The following PLCH2 variants were observed in gnomAD, a reference collection of about 807,000 sequenced individuals.
PLCH2 encodes the protein phospholipase C eta 2.
Under a neutral mutation model 134.7 loss-of-function variants are expected in PLCH2, and 98 were observed. The observed-to-expected ratio is 0.73, with a 90% CI of 0.62 to 0.86. The LOEUF is 0.86. Ranked by LOEUF, PLCH2 falls within the 40% of genes least tolerant of loss-of-function variation. The pLI is 0.00. For synonymous variants in PLCH2, 974 were observed against 827.5 expected, an observed-to-expected ratio of 1.18 and a Z score of -3.04; for missense variants, 1,994 against 1,986.6, an observed-to-expected ratio of 1.00 and a Z score of -0.07.
chr1:2,421,655 T>C (rs573607556), upstream of PLCH2, among the ~76,000 whole-genome samples: 23 of 152,232 alleles, frequency 1.5e-4, no homozygotes, highest in African/African-American at 5.3e-4. Context: ...TAAAAAAATA[T>C]GAAAATATTC....
intron 20 of PLCH2, chr1:2,500,834 AGT>A (rs1643183917): frequency 4.0e-5 from 1 of 24,712 alleles, no homozygotes; most frequent in Non-Finnish European, 7.2e-5. Flanking sequence ...CCCCTCCCTC[AGT>A]CCTCCCTCCC....
chr1:2,478,648 C>A (rs746968381), intron 2 of PLCH2, 26 bp downstream of exon 2: 1 of 1,590,088 alleles, frequency 6.3e-7, no homozygotes, highest in African/African-American at 1.3e-5. Context: ...GGGGTGGGGA[C>A]AAATCAGAGT....
chr1:2,472,296 C>T (rs915591280), upstream of PLCH2, among the ~76,000 whole-genome samples: 7 of 152,216 alleles, frequency 4.6e-5, no homozygotes, highest in African/African-American at 1.2e-4. Flanking sequence ...TCCAGGGGCC[C>T]GGCTGATCTC....
At chr1:2,477,534 G>A (rs1467303885) in intron 1 of PLCH2, among the ~76,000 whole-genome samples, 2 of 152,194 alleles carry the variant, frequency 1.3e-5, no homozygotes, top group Non-Finnish European at 2.9e-5. Flanking sequence ...GTACCTCTGG[G>A]ACCCGGGCTT....
At chr1:2,479,581 T>C in intron 2 of PLCH2, 153 bp from the exon 3 acceptor site, 1 of 687,194 alleles carries the variant, frequency 1.5e-6, no homozygotes, top group Non-Finnish European at 2.4e-6. Flanking sequence ...TCTTCACCCT[T>C]GGTTCTTGAA....
chr1:2,435,729 C>T (rs1639298712), intron 2 of PLCH2, among the ~76,000 whole-genome samples: 1 of 151,978 alleles, frequency 6.6e-6, no homozygotes, highest in African/African-American at 2.4e-5. Flanking sequence ...GGAGTACAGC[C>T]AGGGTGGAGA....
At position 2,496,647 on chromosome 1, in the gene PLCH2, C is replaced by T; in HGVS notation, c.1876C>T (p.Leu626Phe). 1 of 1,612,224 alleles carries T rather than the reference C, an allele frequency of 6.2e-7. No individual in the cohort carries two copies. The part of the protein sequence containing the change: ...QKKTMKLSRA[L>F]SDLVKYTKSV... Reference sequence around the variant, plus strand: ...GAAGACCATGAAGCTGTCCCGGGCCCTCTCTGACCTGGTGAAGTACACCAA... The same window carrying T: ...GAAGACCATGAAGCTGTCCCGGGCCTTCTCTGACCTGGTGAAGTACACCAA... Residue 626 changes from leucine (L) to phenylalanine (F), a missense_variant, in exon 14 of 22, where the codon CTC (leucine) becomes TTC (phenylalanine). Coordinates refer to ENST00000378486, the MANE Select transcript of PLCH2 (RefSeq NM_014638.4).
At position 2,487,160 on chromosome 1, in the gene PLCH2, C is replaced by T. The variant is rs370921157; in HGVS notation, c.911-13C>T. 74 of 1,550,092 alleles carry T rather than the reference C, an allele frequency of 4.8e-5. No individual in the cohort carries two copies. The highest frequency in any genetic ancestry group is 8.2e-5 in the African/African-American group (6 of 73,240). ...GTGGGCTGACATGGCCCCTATGCCA[C>T]GCCGTCCTGCAGGCTTCACCAACTA... On this transcript the variant is annotated splice_polypyrimidine_tract_variant and intron_variant, in intron 6 of 21. Transcript: ENST00000378486.
intron 1 of PLCH2, among the ~76,000 whole-genome samples, chr1:2,477,826 G>A (rs1007005297): frequency 1.3e-5 from 2 of 152,228 alleles, no homozygotes; most frequent in Non-Finnish European, 1.5e-5. Flanking sequence ...CATTCGTGGC[G>A]CTTGTTGCAC....
At chr1:2,456,281 C>G (rs973381583) in intron 2 of PLCH2, among the ~76,000 whole-genome samples, 3 of 152,222 alleles carry the variant, frequency 2.0e-5, no homozygotes, top group African/African-American at 7.2e-5. Context: ...GCAGCCCCCC[C>G]AGTTCGTCCC....
chr1:2,434,604 G>A (rs530942760), intron 2 of PLCH2, among the ~76,000 whole-genome samples: 2 of 152,362 alleles, frequency 1.3e-5, no homozygotes, highest in African/African-American at 4.8e-5. Context: ...ACACTGGGCC[G>A]TGGGACCCTC....
In PLCH2 at chr1:2,476,327, G is replaced by C. The variant is rs1641614689; in HGVS notation, c.-262G>C. 1 of 394,116 alleles carries C rather than the reference G, an allele frequency of 2.5e-6. No homozygotes were observed. Among genetic ancestry groups the C allele is most frequent in the Non-Finnish European group, 4.5e-6 (1 of 222,334 alleles). The allele number at this position is 394,116 out of a possible 1,614,324, so 24.4% of individuals were successfully genotyped here. On this transcript the variant is annotated 5_prime_UTR_variant, in exon 1 of 22. Coordinates refer to ENST00000378486, the MANE Select transcript of PLCH2 (RefSeq NM_014638.4). ...CCAGCCTTGGGAGGCGGCTGCGTCA[G>C]GGATTCCTTGGTGGCCCTGGAGGGT...
At chr1:2,484,741 G>A (rs1168349806) in intron 5 of PLCH2, 123 bp downstream of exon 5, 4 of 1,082,044 alleles carry the variant, frequency 3.7e-6, no homozygotes, top group Non-Finnish European at 5.3e-6. Context: ...CCCAGGCCAG[G>A]GATGGGCTAC....
chr1:2,467,822 C>T (rs1035586979), intron 1 of PLCH2, among the ~76,000 whole-genome samples: 10 of 152,086 alleles, frequency 6.6e-5, no homozygotes, highest in African/African-American at 1.9e-4. Flanking sequence ...GCAGGGTCTC[C>T]GGGAGCACGG....
At chr1:2,475,318 GGAGCCAGTA>G (rs148882156), upstream of PLCH2, among the ~76,000 whole-genome samples, 5,305 of 152,314 alleles carry the variant, frequency 0.035, 203 homozygotes, top group African/African-American at 0.096. Flanking sequence ...CCTTGTTGCT[GGAGCCAGTA>G]GAGCCTGGGC....
At chr1:2,425,183 A>G (rs1034088132), upstream of PLCH2, among the ~76,000 whole-genome samples, 1 of 151,612 alleles carries the variant, frequency 6.6e-6, no homozygotes. Flanking sequence ...AAAAAAAAAA[A>G]GCTGAATAGT....
chr1:2,449,479 A>G (rs1640094043), intron 2 of PLCH2, among the ~76,000 whole-genome samples: 3 of 150,432 alleles, frequency 2.0e-5, no homozygotes, highest in African/African-American at 7.4e-5. Context: ...TGGGTGACAT[A>G]GTGAGACTCT....
intron 2 of PLCH2, among the ~76,000 whole-genome samples, chr1:2,431,200 C>T (rs1302691162): frequency 6.6e-6 from 1 of 151,644 alleles, no homozygotes; most frequent in East Asian, 1.9e-4. Flanking sequence ...CCCTGGGGGC[C>T]CCTGCTGCTC....
At chr1:2,482,329 G>GC (rs1642014456) in intron 4 of PLCH2, among the ~76,000 whole-genome samples, 1 of 152,210 alleles carries the variant, frequency 6.6e-6, no homozygotes, top group Non-Finnish European at 1.5e-5. Flanking sequence ...TTGTCCCATG[G>GC]CCCCTGGGAG....
Sources: gnomAD v4.1 joint callset for allele counts (sites outside exome capture counted in the v4.1 genomes callset) on GRCh38, gnomAD v4.1.1 for gene constraint, MANE v1.5 for transcripts, NCBI Gene and HGNC (gene_info 2026-07-23, HGNC 2026-07-21) for gene names.